SCIN: variants seen among roughly 807,000 people sequenced by gnomAD.
The protein encoded by SCIN is scinderin, also known as adseverin.
In SCIN, 91 loss-of-function variants were observed where a neutral mutation model predicts 91.8. The observed-to-expected ratio is 0.99, with a 90% CI of 0.84 to 1.18. The LOEUF (loss-of-function observed/expected upper bound fraction) is 1.18, where lower values mean the gene tolerates loss of function less well. Among genes scored for constraint, SCIN ranks in the 50% most tolerant of loss-of-function variants. SCIN has a pLI of 0.00. For synonymous variants in SCIN, 367 were observed against 312.6 expected (o/e 1.17, Z -1.84); for missense variants, 1,087 against 863.9 (o/e 1.26, Z -3.24).
chr7:12,658,853 T>C lies in SCIN; in HGVS notation c.*6138T>C, dbSNP rs1220559793. Reference sequence around the variant, plus strand: ...TAGAAATTGTAATTACTGTAGAATGTATAGTGTTTTGAATGGCTATTGTAT... The same window carrying C: ...TAGAAATTGTAATTACTGTAGAATGCATAGTGTTTTGAATGGCTATTGTAT... On this transcript the variant is annotated 3_prime_UTR_variant, in exon 16 of 16. Transcript: ENST00000297029. 1.3e-5 allele frequency: 2 copies of C among 152,232 alleles called. No individual in the cohort carries two copies. Among genetic ancestry groups the C allele is most frequent in the Non-Finnish European group, 2.9e-5 (2 of 68,040 alleles). 9.4% of individuals were successfully genotyped at this position (152,232 alleles called of 1,614,324 possible).
In SCIN at chr7:12,652,900, C is replaced by A; in HGVS notation, c.*185C>A. ...AGGCGGATCACTGGGGTCAGGATTT[C>A]GAGACCAGCCTGGCCAACATGGCGA... On this transcript the variant is annotated 3_prime_UTR_variant, in exon 16 of 16. Coordinates refer to ENST00000297029, the MANE Select transcript of SCIN (RefSeq NM_001112706.3). 1.6e-6 allele frequency: 1 copy of A among 614,492 alleles called. No individual in the cohort carries two copies. Among genetic ancestry groups the A allele is most frequent in the Non-Finnish European group, 2.6e-6 (1 of 377,796 alleles). The allele number at this position is 614,492 out of a possible 1,614,324, so 38.1% of individuals were successfully genotyped here. A position where few individuals can be genotyped will look rare whatever the true frequency, so the allele number is the denominator to read the frequency against.
chr7:12,640,644 G>C (rs2115293336), intron 11 of SCIN, 127 bp downstream of exon 11: 1 of 848,890 alleles, frequency 1.2e-6, no homozygotes, highest in Non-Finnish European at 1.6e-6. Context: ...TTAATCCACT[G>C]TTCAAAATTT....
intron 4 of SCIN, among the ~76,000 whole-genome samples, chr7:12,609,381 T>C (rs1366345592): frequency 6.6e-6 from 1 of 152,244 alleles, no homozygotes; most frequent in Non-Finnish European, 1.5e-5. Flanking sequence ...AAAGCTTTTT[T>C]CGTGATCTTT....
intron 10 of SCIN, among the ~76,000 whole-genome samples, chr7:12,638,520 C>A (rs1783797206): frequency 6.6e-6 from 1 of 152,206 alleles, no homozygotes; most frequent in Non-Finnish European, 1.5e-5. Context: ...TGTTTAACTT[C>A]CTCATTCCTG....
chr7:12,602,898 A>G (rs986736324), intron 3 of SCIN, among the ~76,000 whole-genome samples: 1 of 152,204 alleles, frequency 6.6e-6, no homozygotes, highest in Non-Finnish European at 1.5e-5. Context: ...GTACATCTTC[A>G]GCTTACGAAG....
At chr7:12,603,789 G>A (rs1346628963) in intron 3 of SCIN, among the ~76,000 whole-genome samples, 1 of 151,988 alleles carries the variant, frequency 6.6e-6, no homozygotes, top group Non-Finnish European at 1.5e-5. Context: ...TAACAGTTAA[G>A]TATCAAATTT....
intron 10 of SCIN, among the ~76,000 whole-genome samples, chr7:12,636,813 T>C (rs1185101876): frequency 1.3e-5 from 2 of 152,098 alleles, no homozygotes; most frequent in African/African-American, 4.8e-5. Flanking sequence ...AAAGAAATGA[T>C]AAATATTTGA....
chr7:12,575,339 C>CT (rs140334030), intron 1 of SCIN, among the ~76,000 whole-genome samples: 8,232 of 150,710 alleles, frequency 0.055, 292 homozygotes, highest in South Asian at 0.15. Flanking sequence ...ATTTGTATGC[C>CT]TTTTTTTTCT....
In SCIN at chr7:12,640,607, G is replaced by A. The variant is rs79161335; in HGVS notation, c.1581+90G>A. The A allele has an allele frequency of 3.9e-3, 4,538 of 1,154,728 alleles. 144 individuals are homozygous for A. In the African/African-American group the frequency reaches 0.066, roughly 17 times the overall value. The allele number at this position is 1,154,728 out of a possible 1,614,324, so 71.5% of individuals were successfully genotyped here. On this transcript the variant is annotated intron_variant, in intron 11 of 15. Transcript: ENST00000297029. ...GCAAATATTAGACTTTAAAAACTTGGCAAATAAACTCCCTTCATTCCTATA... is the reference window on the plus strand; with the variant it reads ...GCAAATATTAGACTTTAAAAACTTGACAAATAAACTCCCTTCATTCCTATA...
At chr7:12,604,830 T>C (rs1358415214) in intron 4 of SCIN, among the ~76,000 whole-genome samples, 167 bp downstream of exon 4, 1 of 152,004 alleles carries the variant, frequency 6.6e-6, no homozygotes, top group Non-Finnish European at 1.5e-5. Flanking sequence ...AACAACAGGG[T>C]TATCTAAGTG....
In SCIN at chr7:12,652,857, A is replaced by C; in HGVS notation, c.*142A>C. The C allele has an allele frequency of 2.1e-6, 2 of 973,040 alleles. No individual in the cohort carries two copies. The highest frequency in any genetic ancestry group is 3.4e-5 in the African/African-American group (2 of 58,852). The allele number at this position is 973,040 out of a possible 1,614,324, so 60.3% of individuals were successfully genotyped here. ...GGTGGCTCACACCTGTAATCCCAGC[A>C]CTTTGAGAGGATGAGGTAGGCGGAT... On this transcript the variant is annotated 3_prime_UTR_variant, in exon 16 of 16. Coordinates refer to ENST00000297029, the MANE Select transcript of SCIN (RefSeq NM_001112706.3).
chr7:12,602,041 G>C (rs1029864148), intron 3 of SCIN, among the ~76,000 whole-genome samples: 3 of 152,100 alleles, frequency 2.0e-5, no homozygotes, highest in Admixed American at 1.3e-4. Context: ...CCCCAGGTTG[G>C]GAGCCAGATA....
intron 10 of SCIN, among the ~76,000 whole-genome samples, chr7:12,637,585 G>A (rs1311972282): frequency 6.6e-6 from 1 of 151,762 alleles, no homozygotes; most frequent in African/African-American, 2.4e-5. Flanking sequence ...GAGAGGAGGG[G>A]GAAGAGAAGA....
At chr7:12,610,517 C>T (rs562024779) in intron 4 of SCIN, among the ~76,000 whole-genome samples, 1 of 152,284 alleles carries the variant, frequency 6.6e-6, no homozygotes, top group African/African-American at 2.4e-5. Flanking sequence ...ATTGCCCACT[C>T]GTATTTGGAT....
chr7:12,576,091 G>A (rs140187497), intron 1 of SCIN, among the ~76,000 whole-genome samples: 6 of 152,242 alleles, frequency 3.9e-5, no homozygotes, highest in East Asian at 1.9e-4. Flanking sequence ...AGGTAAGGAC[G>A]TTTATGTCAA....
intron 3 of SCIN, 63 bp downstream of exon 3, chr7:12,581,284 A>C: frequency 6.8e-7 from 1 of 1,473,000 alleles, no homozygotes; most frequent in Non-Finnish European, 9.2e-7. Flanking sequence ...ATCAAATCAT[A>C]TGTACATGTC....
chr7:12,650,050 G>C (rs181805651), intron 14 of SCIN, among the ~76,000 whole-genome samples: 1 of 152,118 alleles, frequency 6.6e-6, no homozygotes, highest in Admixed American at 6.5e-5. Flanking sequence ...GTGATTTGAC[G>C]TGCCACATCT....
chr7:12,609,527 CAAAA>C (rs913908674), intron 4 of SCIN, among the ~76,000 whole-genome samples: 2 of 150,374 alleles, frequency 1.3e-5, no homozygotes, highest in South Asian at 4.2e-4. Context: ...AACAAACAAA[CAAAA>C]AAAACCCCAA....
Position 12,629,120 on chromosome 7 carries a change from A to G in SCIN, c.1217A>G (p.Asn406Ser). ...TTCCAGATTTGGCGTGTAGAAAACA[A>G]TGGTAGGATCCAAGTTGACCAAAAC... is the stretch of plus-strand genomic sequence containing the variant. ...GKVEIWRVEN[N>S]GRIQVDQNSY... Residue 406 changes from asparagine (N) to serine (S), a missense_variant, in exon 9 of 16, where the codon AAT becomes AGT. Coordinates refer to ENST00000297029, the MANE Select transcript of SCIN (RefSeq NM_001112706.3). The G allele has an allele frequency of 1.2e-6, 2 of 1,612,630 alleles. No individual in the cohort carries two copies. The highest frequency in any genetic ancestry group is 1.7e-5 in the Admixed American group (1 of 59,890).
Sources: gnomAD v4.1 joint callset for allele counts (sites outside exome capture counted in the v4.1 genomes callset) on GRCh38, gnomAD v4.1.1 for gene constraint, MANE v1.5 for transcripts, NCBI Gene and HGNC (gene_info 2026-07-23, HGNC 2026-07-21) for gene names.